Variants in JAK1 observed in about 807,000 individuals in gnomAD.
JAK1 encodes the protein Janus kinase 1, also known as tyrosine-protein kinase JAK1.
In JAK1, 16 loss-of-function variants were observed where a neutral mutation model predicts 136.6. The observed-to-expected ratio is 0.12, with a 90% CI of 0.08 to 0.18. The LOEUF (loss-of-function observed/expected upper bound fraction) is 0.18. JAK1 is among the 10% of genes least tolerant of loss of function. The pLI is 1.00. For synonymous variants in JAK1, 492 were observed against 519.5 expected (o/e 0.95, Z 0.72); for missense variants, 859 against 1,450.1 (o/e 0.59, Z 6.62).
chr1:65,058,609 G>A (rs1647654159), intron 1 of JAK1: 1 of 457,690 alleles, frequency 2.2e-6, no homozygotes, highest in Non-Finnish European at 4.4e-6. Context: ...ATCACCTTCT[G>A]GTTGGAGACG....
At chr1:64,855,218 A>AT (rs1321312008) in intron 11 of JAK1, among the ~76,000 whole-genome samples, 1 of 152,214 alleles carries the variant, frequency 6.6e-6, no homozygotes, top group Non-Finnish European at 1.5e-5. Flanking sequence ...TCCTCAAGGC[A>AT]TTTTATCTTA....
intron 1 of JAK1, among the ~76,000 whole-genome samples, chr1:65,046,201 T>C (rs1647181406): frequency 6.6e-6 from 1 of 152,236 alleles, no homozygotes; most frequent in African/African-American, 2.4e-5. Context: ...TGCAGTACTT[T>C]CTTCCCACTA....
chr1:64,928,778 C>CAAAAAAAAAAAAAAACAAAAAAAAAA (rs1645627367), intron 1 of JAK1, among the ~76,000 whole-genome samples: 2 of 61,120 alleles, frequency 3.3e-5, no homozygotes, highest in Non-Finnish European at 6.3e-5. Flanking sequence ...TAAAACTCTG[C>CAAAAAAAAAAAAAAACAAAAAAAAAA]AAAAAAAAAA....
chr1:64,919,134 T>G (rs564379274), intron 1 of JAK1, among the ~76,000 whole-genome samples: 1 of 152,314 alleles, frequency 6.6e-6, no homozygotes, highest in South Asian at 2.1e-4. Flanking sequence ...GTCATTTACA[T>G]TAAGTATATC....
chr1:64,899,775 A>C (rs1275320537), intron 1 of JAK1, among the ~76,000 whole-genome samples: 1 of 152,174 alleles, frequency 6.6e-6, no homozygotes, highest in Admixed American at 6.5e-5. Context: ...CCTGAGAACA[A>C]TTTAGCTCCA....
At chr1:64,970,901 G>C (rs183486944), upstream of JAK1, among the ~76,000 whole-genome samples, 567 of 152,296 alleles carry the variant, frequency 3.7e-3, 3 homozygotes, top group Non-Finnish European at 4.9e-3. Flanking sequence ...CAAATGCAGT[G>C]TAGAAGCCTC....
chr1:65,039,016 C>T (rs748843835), intron 2 of JAK1, among the ~76,000 whole-genome samples: 1 of 151,932 alleles, frequency 6.6e-6, no homozygotes, highest in Non-Finnish European at 1.5e-5. Context: ...AGGTTGGTCT[C>T]AAACTCCTGG....
chr1:64,869,274 C>T (rs775131851), intron 6 of JAK1, 37 bp downstream of exon 6: 1 of 1,595,922 alleles, frequency 6.3e-7, no homozygotes, highest in Non-Finnish European at 8.6e-7. Context: ...ACACCACCAT[C>T]CTCACAATCA....
At chr1:65,048,275 A>G (rs2100852089) in intron 1 of JAK1, among the ~76,000 whole-genome samples, 1 of 152,306 alleles carries the variant, frequency 6.6e-6, no homozygotes, top group East Asian at 1.9e-4. Context: ...TTTTCCCTGC[A>G]TTTGACCAGG....
intron 11 of JAK1, among the ~76,000 whole-genome samples, chr1:64,853,351 G>A (rs900370465): frequency 6.6e-6 from 1 of 152,156 alleles, no homozygotes; most frequent in Non-Finnish European, 1.5e-5. Context: ...TGTGACCTGG[G>A]CAGGGTGGGG....
Position 64,847,638 on chromosome 1 carries a change from T to C in JAK1, c.1793A>G (p.Tyr598Cys), listed in dbSNP as rs374269002. 3.0e-5 allele frequency: 49 copies of C among 1,613,996 alleles called. No individual in the cohort carries two copies. In the African/African-American group the frequency reaches 5.7e-4, roughly 19 times the overall value. ...HLGRGTRTHI[Y>C]SGTLMDYKDD... ...CTTGTAATCCATCAGGGTCCCAGAA[T>C]AGATGTGTGTTCTCGTGCCTCTCCC... The change falls in exon 13 of 25, where the codon TAT becomes TGT. Residue 598 changes from tyrosine to cysteine, a missense_variant. Physicochemically the swap from Tyr to Cys is radical, Grantham distance 194 (BLOSUM62 -2). Transcript: ENST00000342505.
At chr1:64,966,192 T>C (rs1164620136) in intron 1 of JAK1, 141 bp downstream of exon 1, 4 of 151,654 alleles carry the variant, frequency 2.6e-5, no homozygotes, top group African/African-American at 9.7e-5. Flanking sequence ...GGTCCTGAGC[T>C]GCGCTCAGGA....
intron 2 of JAK1, among the ~76,000 whole-genome samples, chr1:65,021,869 T>C (rs1051043586): frequency 2.6e-5 from 4 of 152,278 alleles, no homozygotes; most frequent in Non-Finnish European, 5.9e-5. Context: ...AGTGCATAGT[T>C]AGTACAACAA....
At chr1:65,061,159 C>T (rs180922969) in intron 1 of JAK1, among the ~76,000 whole-genome samples, 4 of 152,288 alleles carry the variant, frequency 2.6e-5, no homozygotes, top group Admixed American at 2.6e-4. Flanking sequence ...TGGCTCACAC[C>T]TGTAATCTCA....
In JAK1 at chr1:64,833,601, T is replaced by TTGA. The variant is rs778680915; in HGVS notation, c.*958_*960dup. On this transcript the variant is annotated 3_prime_UTR_variant, in exon 25 of 25. Transcript: ENST00000342505. ...CAAGTGTTGCACCACAGGGTGATGA[T>TTGA]TGATGGTAAAAACAGGGATCAACCC... The TTGA allele has an allele frequency of 4.7e-5, 11 of 232,884 alleles. No homozygotes were observed. The highest frequency in any genetic ancestry group is 8.8e-5 in the African/African-American group (4 of 45,324). The allele number at this position is 232,884 out of a possible 1,614,324, so 14.4% of individuals were successfully genotyped here. A position where few individuals can be genotyped will look rare whatever the true frequency, so the allele number is the denominator to read the frequency against.
chr1:64,939,415 T>G (rs80258807), intron 1 of JAK1, among the ~76,000 whole-genome samples: 7,519 of 152,326 alleles, frequency 0.049, 398 homozygotes, highest in East Asian at 0.26. Context: ...AAGTTCACAA[T>G]AGTTTCACAG....
At chr1:65,047,534 C>T (rs1647195769) in intron 1 of JAK1, among the ~76,000 whole-genome samples, 2 of 152,032 alleles carry the variant, frequency 1.3e-5, no homozygotes, top group Non-Finnish European at 2.9e-5. Flanking sequence ...CTGGCTAACA[C>T]GGTGAAACCC....
intron 1 of JAK1, among the ~76,000 whole-genome samples, chr1:64,892,528 T>A (rs1335836968): frequency 6.6e-6 from 1 of 152,080 alleles, no homozygotes; most frequent in African/African-American, 2.4e-5. Context: ...CAAGCAATCC[T>A]CCCATCTCAG....
At chr1:64,876,570 C>T (rs780954875) in intron 4 of JAK1, 10 of 152,162 alleles carry the variant, frequency 6.6e-5, no homozygotes, top group Admixed American at 1.3e-4. Context: ...AAATCCATGA[C>T]TACCAGAATC....
Sources: gnomAD v4.1 joint callset for allele counts (sites outside exome capture counted in the v4.1 genomes callset) on GRCh38, gnomAD v4.1.1 for gene constraint, MANE v1.5 for transcripts, NCBI Gene and HGNC (gene_info 2026-07-23, HGNC 2026-07-21) for gene names.